LRMDA: variants seen among roughly 807,000 people sequenced by gnomAD.
LRMDA encodes the protein leucine rich melanocyte differentiation associated, also known as leucine-rich melanocyte differentiation-associated protein.
Under a neutral mutation model 29.8 loss-of-function variants are expected in LRMDA, and 18 were observed. The observed-to-expected ratio is 0.60, with a 90% CI of 0.42 to 0.90. LRMDA has a LOEUF of 0.90. Ranked by LOEUF, LRMDA falls within the 40% of genes least tolerant of loss-of-function variation. The pLI, the probability that LRMDA is intolerant of heterozygous loss-of-function variation, is 0.00. For synonymous variants in LRMDA, 125 were observed against 109.4 expected, an observed-to-expected ratio of 1.14 and a Z score of -0.89; for missense variants, 273 against 273.9, an observed-to-expected ratio of 1.00 and a Z score of 0.02.
Position 76,476,331 on chromosome 10 carries a change from A to T in LRMDA, c.602-80878A>T, listed in dbSNP as rs576383084. Among the ~76,000 whole-genome samples, 16 of 151,952 alleles carry T rather than the reference A, an allele frequency of 1.1e-4. No individual in the cohort carries two copies. The South Asian group carries it at 3.3e-3, about 32-fold the overall frequency. On this transcript the variant is annotated intron_variant, in intron 6 of 6. Transcript: ENST00000611255. The stretch of plus-strand genomic sequence containing the variant: ...TGGATAAATTCCTCAGCACATACAC[A>T]CTCCCAAGACTAAACCAGGAAGAAG...
chr10:76,438,887 TA>T (rs1235710946), intron 6 of LRMDA: 1 of 152,234 alleles, frequency 6.6e-6, no homozygotes, highest in Non-Finnish European at 1.5e-5. Flanking sequence ...TTTTTTTTAA[TA>T]AAGTTTGTCA....
At chr10:76,330,548 T>C (rs1840892209) in intron 6 of LRMDA, among the ~76,000 whole-genome samples, 1 of 152,160 alleles carries the variant, frequency 6.6e-6, no homozygotes, top group Admixed American at 6.5e-5. Flanking sequence ...GATAGGATTC[T>C]AGTTTCGATG....
intron 2 of LRMDA, among the ~76,000 whole-genome samples, chr10:75,867,218 A>G (rs1408844701): frequency 6.6e-6 from 1 of 152,044 alleles, no homozygotes; most frequent in Non-Finnish European, 1.5e-5. Context: ...ACTGGAGTGC[A>G]GTGGTGCAAT....
Position 76,242,893 on chromosome 10 carries a change from G to T in LRMDA, c.517-81508G>T, listed in dbSNP as rs143705920. On this transcript the variant is annotated intron_variant, in intron 5 of 6. Transcript: ENST00000611255. Reference sequence around the variant, plus strand: ...TCTTGCATTTTACTGTTTTCCTACTGGTTTTCTCTCAGATATGAGATGCTA... The same window carrying T: ...TCTTGCATTTTACTGTTTTCCTACTTGTTTTCTCTCAGATATGAGATGCTA... 3.7e-3 allele frequency among the ~76,000 whole-genome samples: 559 copies of T among 152,252 alleles called. 8 individuals carry two copies. The highest frequency in any genetic ancestry group is 0.023 in the Admixed American group (354 of 15,292).
At chr10:75,573,014 A>C (rs1353728460) in intron 2 of LRMDA, among the ~76,000 whole-genome samples, 1 of 152,200 alleles carries the variant, frequency 6.6e-6, no homozygotes, top group Non-Finnish European at 1.5e-5. Context: ...AGCATCCAGA[A>C]CTGTGAGTAA....
At chr10:76,266,994 A>G (rs1589402157) in intron 5 of LRMDA, among the ~76,000 whole-genome samples, 1 of 152,248 alleles carries the variant, frequency 6.6e-6, no homozygotes, top group South Asian at 2.1e-4. Flanking sequence ...CACATTATCA[A>G]GAGTGCTGAT....
At chr10:76,093,902 T>A (rs563251930) in intron 5 of LRMDA, among the ~76,000 whole-genome samples, 2 of 152,282 alleles carry the variant, frequency 1.3e-5, no homozygotes, top group African/African-American at 4.8e-5. Flanking sequence ...TGTTGATAGC[T>A]CATCTTGAGT....
intron 5 of LRMDA, among the ~76,000 whole-genome samples, chr10:76,181,260 A>G (rs1011291202): frequency 1.2e-4 from 19 of 152,292 alleles, no homozygotes; most frequent in Non-Finnish European, 2.8e-4. Context: ...CCTTGAGCTC[A>G]TTCTCACTGG....
At chr10:75,509,745 A>C (rs546096889) in intron 2 of LRMDA, among the ~76,000 whole-genome samples, 1 of 152,338 alleles carries the variant, frequency 6.6e-6, no homozygotes, top group East Asian at 1.9e-4. Context: ...AAGTCACTTC[A>C]GTTTTCTGGC....
chr10:76,237,289 A>G (rs1344245322), intron 5 of LRMDA, among the ~76,000 whole-genome samples: 1 of 152,244 alleles, frequency 6.6e-6, no homozygotes, highest in African/African-American at 2.4e-5. Context: ...ACAAAAATAC[A>G]TGTGTAGATA....
At chr10:76,376,731 G>C (rs971806790) in intron 6 of LRMDA, among the ~76,000 whole-genome samples, 1 of 151,962 alleles carries the variant, frequency 6.6e-6, no homozygotes, top group African/African-American at 2.4e-5. Flanking sequence ...GCCAACATCT[G>C]TTGTATTTTG....
At chr10:76,307,667 C>T (rs900717686) in intron 5 of LRMDA, among the ~76,000 whole-genome samples, 79 of 152,152 alleles carry the variant, frequency 5.2e-4, no homozygotes, top group African/African-American at 1.8e-3. Flanking sequence ...TAACCCAAAG[C>T]AGGCCACGGA....
Position 76,435,153 on chromosome 10 carries a change from T to C in LRMDA, c.601+110668T>C, listed in dbSNP as rs74945997. 6.2e-3 allele frequency among the ~76,000 whole-genome samples: 949 copies of C among 152,302 alleles called. 7 individuals are homozygous for C. Among genetic ancestry groups the C allele is most frequent in the African/African-American group, 0.022 (922 of 41,562 alleles). ...AGTACTTAAGGAAGGGAAAGTATCATTGAATATATCACTTGCAAAGGAGCT... is the reference window on the plus strand; with the variant it reads ...AGTACTTAAGGAAGGGAAAGTATCACTGAATATATCACTTGCAAAGGAGCT... On this transcript the variant is annotated intron_variant, in intron 6 of 6. Coordinates refer to ENST00000611255, the MANE Select transcript of LRMDA (RefSeq NM_001305581.2).
At chr10:75,583,962 A>T (rs1209436538) in intron 2 of LRMDA, among the ~76,000 whole-genome samples, 1 of 151,904 alleles carries the variant, frequency 6.6e-6, no homozygotes, top group Non-Finnish European at 1.5e-5. Flanking sequence ...GACAGACTTG[A>T]TGTGGTCATT....
intron 5 of LRMDA, among the ~76,000 whole-genome samples, chr10:76,071,462 TA>T (rs947938948): frequency 1.6e-4 from 25 of 152,238 alleles, no homozygotes; most frequent in Admixed American, 2.0e-4. Context: ...GATTACAAAA[TA>T]TTTTTTTCTT....
chr10:76,532,189 C>G (rs554622390), intron 6 of LRMDA, among the ~76,000 whole-genome samples: 1 of 152,134 alleles, frequency 6.6e-6, no homozygotes, highest in Non-Finnish European at 1.5e-5. Flanking sequence ...CCCATACCCC[C>G]CGACAGGCCC....
chr10:75,891,709 T>C (rs554751935), intron 2 of LRMDA, among the ~76,000 whole-genome samples: 3 of 152,162 alleles, frequency 2.0e-5, no homozygotes, highest in Admixed American at 2.0e-4. Flanking sequence ...GCCATGGGGG[T>C]AGTGGGACAT....
chr10:76,292,206 C>CAT (rs1296469842), intron 5 of LRMDA, among the ~76,000 whole-genome samples: 4 of 152,316 alleles, frequency 2.6e-5, no homozygotes, highest in Non-Finnish European at 5.9e-5. Context: ...ATCTGTACAA[C>CAT]ATATATTAAT....
At chr10:75,927,463 TCTTC>T (rs1846139121) in intron 2 of LRMDA, among the ~76,000 whole-genome samples, 1 of 152,176 alleles carries the variant, frequency 6.6e-6, no homozygotes, top group Admixed American at 6.5e-5. Flanking sequence ...TCTCCTCACT[TCTTC>T]CTTCCAGCCC....
Sources: allele counts gnomAD v4.1 joint callset (sites outside exome capture counted in the v4.1 genomes callset), GRCh38; gene constraint gnomAD v4.1.1; transcripts MANE v1.5; gene names NCBI Gene and HGNC (gene_info 2026-07-23, HGNC 2026-07-21).